CFAP251: variants seen among roughly 807,000 people sequenced by gnomAD.
CFAP251 encodes cilia- and flagella-associated protein 251.
In CFAP251, 93 loss-of-function variants were observed where a neutral mutation model predicts 126.7. That is an observed-to-expected ratio of 0.73 (90% CI 0.62 to 0.87). The LOEUF is 0.87. Ranked by LOEUF, CFAP251 falls within the 40% of genes least tolerant of loss-of-function variation. The pLI is 0.00. For synonymous variants in CFAP251, 503 were observed against 506.9 expected (o/e 0.99, Z 0.10); for missense variants, 1,287 against 1,389.2 (o/e 0.93, Z 1.17).
rs1881955016 is a variant in CFAP251, at chr12:121,962,004, C to T, written c.2334C>T (p.Tyr778=). The change falls in exon 15 of 22, where the codon TAC becomes TAT. Residue 778 remains tyrosine (Y), a synonymous_variant. Coordinates refer to ENST00000288912, the MANE Select transcript of CFAP251 (RefSeq NM_144668.6). ...TAGAGTATGATCTTCTCAGGAGCTACAAAGACCACCTGGAAGTCCTGGACA... is the reference window on the plus strand; with the variant it reads ...TAGAGTATGATCTTCTCAGGAGCTATAAAGACCACCTGGAAGTCCTGGACA... ...LLIEYDLLRS[Y]KDHLEVLDIH... 3.1e-6 allele frequency: 5 copies of T among 1,613,682 alleles called. No individual in the cohort carries two copies. The Admixed American group carries it at 8.3e-5, about 27-fold the overall frequency.
At position 121,994,722 on chromosome 12, in the gene CFAP251, T is replaced by A. The variant is rs1319940723; in HGVS notation, c.3007-4994T>A. Among the ~76,000 whole-genome samples, 4 of 83,928 alleles carry A rather than the reference T, an allele frequency of 4.8e-5. No homozygotes were observed. In the South Asian group the frequency reaches 1.9e-3, roughly 40 times the overall value. 55.1% of individuals were successfully genotyped at this position (83,928 alleles called of 152,430 possible). A position where few individuals can be genotyped will look rare whatever the true frequency, so the allele number is the denominator to read the frequency against. On this transcript the variant is annotated intron_variant, in intron 19 of 21. Transcript: ENST00000288912. ...TCAGGGTTAAATGGATTAAGGGCGGTGCAAGATGTGCTTTGTTAAACAGAT... is the reference window on the plus strand; with the variant it reads ...TCAGGGTTAAATGGATTAAGGGCGGAGCAAGATGTGCTTTGTTAAACAGAT...
intron 19 of CFAP251, among the ~76,000 whole-genome samples, chr12:121,991,865 C>T (rs758684761): frequency 1.3e-4 from 20 of 152,026 alleles, no homozygotes; most frequent in Admixed American, 1.3e-4. Flanking sequence ...TGGTGGCGCG[C>T]GCCTGTAGTC....
chr12:121,990,882 C>T (rs965629897), intron 19 of CFAP251, among the ~76,000 whole-genome samples: 1 of 152,188 alleles, frequency 6.6e-6, no homozygotes, highest in African/African-American at 2.4e-5. Context: ...TTGTGTATAT[C>T]GTCTCTTGAG....
chr12:121,967,873 C>T (rs1400627925), intron 16 of CFAP251, 133 bp from the exon 17 acceptor site: 1 of 820,354 alleles, frequency 1.2e-6, no homozygotes, highest in African/African-American at 1.7e-5. Context: ...AAATGTGGCT[C>T]TCACACTCAG....
rs1592992573 is a variant in CFAP251 at position 121,966,965 on chromosome 12, C to T, written c.2503C>T (p.Leu835=). 1 of 1,614,158 alleles carries T rather than the reference C, an allele frequency of 6.2e-7. No homozygotes were observed. Among genetic ancestry groups the T allele is most frequent in the East Asian group, 2.2e-5 (1 of 44,894 alleles). ...ATTKMCRKTL[L]GPAYGSPIEQ... ...TCTTTTTGCCTTCAGAAAGACGCTT[C>T]TGGGGCCAGCTTATGGTTCCCCTAT... The change falls in exon 16 of 22, where the codon CTG becomes TTG. Residue 835 remains leucine, a synonymous_variant. Coordinates refer to ENST00000288912, the MANE Select transcript of CFAP251 (RefSeq NM_144668.6).
chr12:121,939,457 A>AG (rs1182119623), intron 5 of CFAP251, among the ~76,000 whole-genome samples: 1 of 152,146 alleles, frequency 6.6e-6, no homozygotes, highest in Non-Finnish European at 1.5e-5. Flanking sequence ...AGAGTCCTTC[A>AG]GGTGTGTCTC....
In CFAP251 at chr12:121,999,719, G is replaced by A; in HGVS notation, c.3010G>A (p.Asp1004Asn). 1 of 1,600,506 alleles carries A rather than the reference G, an allele frequency of 6.2e-7. No homozygotes were observed. Residue 1004 changes from aspartate (D) to asparagine (N), a missense_variant, in exon 20 of 22, where the codon GAT becomes AAT. Transcript: ENST00000288912. ...IGFYPSEEKI[D>N]DIFNEIKFGE... ...TTTTTCCCCATCTTTCCCCTAGATT[G>A]ATGATATATTTAACGAAATCAAATT...
chr12:121,958,613 TC>T lies in CFAP251; in HGVS notation c.1981+95del, dbSNP rs1252717169. Reference sequence around the variant, plus strand: ...TGGGCTGGCATAGCTCCAGGAAGTCTCCCCGACTCCAGCCCCCAGCAGGCTG... The same window carrying T: ...TGGGCTGGCATAGCTCCAGGAAGTCTCCCGACTCCAGCCCCCAGCAGGCTG... On this transcript the variant is annotated intron_variant, in intron 12 of 21. Coordinates refer to ENST00000288912, the MANE Select transcript of CFAP251 (RefSeq NM_144668.6). The T allele has an allele frequency of 2.6e-6, 4 of 1,562,136 alleles. No individual in the cohort carries two copies. In the Admixed American group the frequency reaches 7.1e-5, roughly 28 times the overall value.
intron 13 of CFAP251, chr12:121,959,402 T>C: frequency 4.2e-6 from 1 of 239,186 alleles, no homozygotes; most frequent in Non-Finnish European, 8.1e-6. Context: ...AAGGCAGGTA[T>C]GTTGGTCTGC....
At chr12:121,919,407 G>T (rs1880064634) in intron 1 of CFAP251, among the ~76,000 whole-genome samples, 2 of 151,968 alleles carry the variant, frequency 1.3e-5, no homozygotes, top group Non-Finnish European at 1.5e-5. Flanking sequence ...TATGCCAGAA[G>T]GCTTTCAAAC....
At chr12:121,929,045 G>A (rs12813033) in intron 3 of CFAP251, among the ~76,000 whole-genome samples, 5 of 152,070 alleles carry the variant, frequency 3.3e-5, no homozygotes, top group South Asian at 4.1e-4. Context: ...ATTGAAGGCC[G>A]GGAGCAGTGG....
At chr12:121,930,896 G>A (rs931013557) in intron 3 of CFAP251, among the ~76,000 whole-genome samples, 4 of 151,888 alleles carry the variant, frequency 2.6e-5, no homozygotes, top group South Asian at 2.1e-4. Flanking sequence ...GTAAAGGTGC[G>A]TGCCACCACG....
intron 7 of CFAP251, among the ~76,000 whole-genome samples, chr12:121,944,212 G>A (rs1042845345): frequency 1.3e-5 from 2 of 152,180 alleles, no homozygotes; most frequent in African/African-American, 4.8e-5. Flanking sequence ...TGCCTGACTT[G>A]CAGGATCTAA....
At chr12:121,963,487 G>C (rs1882016856) in intron 15 of CFAP251, among the ~76,000 whole-genome samples, 2 of 151,572 alleles carry the variant, frequency 1.3e-5, no homozygotes, top group Admixed American at 6.6e-5. Flanking sequence ...ATGGTTGAAG[G>C]CACGAGACGG....
intron 5 of CFAP251, among the ~76,000 whole-genome samples, chr12:121,941,074 C>T (rs776616751): frequency 5.9e-5 from 9 of 151,568 alleles, no homozygotes; most frequent in Non-Finnish European, 7.4e-5. Flanking sequence ...TTTTGTTCCC[C>T]GGCTGGAGTG....
chr12:121,950,119 T>G (rs1464923267), intron 8 of CFAP251: 6 of 152,206 alleles, frequency 3.9e-5, no homozygotes, highest in Non-Finnish European at 7.3e-5. Context: ...CAAAATGTGG[T>G]CTATCCATAC....
In CFAP251 at chr12:121,987,365, A is replaced by T. The variant is rs372895202; in HGVS notation, c.3006+11680A>T. Among the ~76,000 whole-genome samples the T allele has an allele frequency of 6.7e-4, 102 of 152,288 alleles. 1 individual carries two copies. The East Asian group carries it at 0.013, about 19-fold the overall frequency. Reference sequence around the variant, plus strand: ...AGACAAAACTATTTCTGCTTTTCACATGTAAAGCATTTAAAGAAATAAATC... The same window carrying T: ...AGACAAAACTATTTCTGCTTTTCACTTGTAAAGCATTTAAAGAAATAAATC... On this transcript the variant is annotated intron_variant, in intron 19 of 21. Transcript: ENST00000288912.
intron 3 of CFAP251, among the ~76,000 whole-genome samples, chr12:121,929,337 A>G (rs1880584029): frequency 6.6e-6 from 1 of 151,680 alleles, no homozygotes; most frequent in African/African-American, 2.4e-5. Flanking sequence ...AAAAAAAAGA[A>G]AAAAGAAAAA....
At chr12:121,958,551 G>T (rs1419966810) in intron 12 of CFAP251, 29 bp downstream of exon 12, 3 of 1,612,894 alleles carry the variant, frequency 1.9e-6, no homozygotes, top group East Asian at 4.5e-5. Context: ...CCTACCATCG[G>T]TTCCACATGG....
Sources: gnomAD v4.1 joint callset for allele counts (sites outside exome capture counted in the v4.1 genomes callset) on GRCh38, gnomAD v4.1.1 for gene constraint, MANE v1.5 for transcripts, NCBI Gene and HGNC (gene_info 2026-07-23, HGNC 2026-07-21) for gene names.